Variants in UNC13A observed in about 807,000 individuals in gnomAD.
UNC13A encodes unc-13 homolog A.
Under a neutral mutation model 219.7 loss-of-function variants are expected in UNC13A, and 61 were observed. That is an observed-to-expected ratio of 0.28 (90% CI 0.23 to 0.34). UNC13A has a LOEUF of 0.34. Among genes scored for constraint, UNC13A ranks in the 10% least tolerant of loss-of-function variants. The probability of loss-of-function intolerance (pLI) is 1.00; values close to 1 mark genes in which losing one functional copy is unlikely to be tolerated. For missense variants in UNC13A, 1,476 were observed against 2,270.3 expected (o/e 0.65, Z 7.11); for synonymous variants, 920 against 884.6 (o/e 1.04, Z -0.71).
At chr19:17,635,303 A>G (rs778269647) in intron 26 of UNC13A, among the ~76,000 whole-genome samples, 3 of 152,074 alleles carry the variant, frequency 2.0e-5, no homozygotes, top group Non-Finnish European at 4.4e-5. Flanking sequence ...GCCTGACCCC[A>G]TCTGTTTATT....
chr19:17,639,635 TA>T (rs1265853821), intron 23 of UNC13A, 110 bp from the exon 24 acceptor site: 1 of 1,311,380 alleles, frequency 7.6e-7, no homozygotes, highest in African/African-American at 1.5e-5. Flanking sequence ...GGGGGTTGAT[TA>T]GAGCACCTCG....
At chr19:17,634,546 G>A (rs920103520) in intron 26 of UNC13A, among the ~76,000 whole-genome samples, 3 of 152,008 alleles carry the variant, frequency 2.0e-5, no homozygotes, top group Admixed American at 2.0e-4. Flanking sequence ...TGCCATGTTG[G>A]CCAGGCTGGT....
intron 1 of UNC13A, among the ~76,000 whole-genome samples, chr19:17,686,622 A>G (rs746032557): frequency 4.0e-5 from 6 of 151,664 alleles, no homozygotes; most frequent in Non-Finnish European, 1.5e-5. Context: ...GGGATGGAGG[A>G]GTTGACCTTT....
At chr19:17,628,299 A>C in intron 31 of UNC13A, 1 of 296,502 alleles carries the variant, frequency 3.4e-6, no homozygotes, top group South Asian at 4.4e-5. Flanking sequence ...CCAGACAGTG[A>C]CACACTGAAG....
At chr19:17,667,244 C>T (rs1372883124) in intron 6 of UNC13A, among the ~76,000 whole-genome samples, 1 of 106,714 alleles carries the variant, frequency 9.4e-6, no homozygotes, top group African/African-American at 3.8e-5. Context: ...AGCGAGACTC[C>T]GTCTCAAAAA....
intron 5 of UNC13A, among the ~76,000 whole-genome samples, chr19:17,669,254 T>C (rs542019812): frequency 2.0e-5 from 3 of 152,286 alleles, no homozygotes; most frequent in Non-Finnish European, 4.4e-5. Flanking sequence ...AGTTCACTGT[T>C]GCAGTCTCAG....
At chr19:17,641,140 A>C (rs1016672880) in intron 21 of UNC13A, among the ~76,000 whole-genome samples, 1 of 152,010 alleles carries the variant, frequency 6.6e-6, no homozygotes, top group African/African-American at 2.4e-5. Flanking sequence ...TCAGCCTCCT[A>C]AAATGCTGGG....
chr19:17,649,049 C>A lies in UNC13A; in HGVS notation c.1525-66G>T. The A allele has an allele frequency of 6.7e-7, 1 of 1,493,280 alleles. No individual in the cohort carries two copies. Among genetic ancestry groups the A allele is most frequent in the Admixed American group, 2.3e-5 (1 of 44,140 alleles). 92.5% of individuals were successfully genotyped at this position (1,493,280 alleles called of 1,614,324 possible). On this transcript the variant is annotated intron_variant, in intron 14 of 43. Coordinates refer to ENST00000519716, the MANE Select transcript of UNC13A (RefSeq NM_001080421.3). This position sits in a 1 kb window ranked among gnomAD's most constrained non-coding sequence, Gnocchi z 4.4. ...CCATGAGATCACCACCAGGAGAGTT[C>A]ACAGCCACGGATGGGGCCAGCAGCC...
chr19:17,675,885 C>T (rs114376305), intron 2 of UNC13A, 127 bp downstream of exon 2: 1 of 1,246,816 alleles, frequency 8.0e-7, no homozygotes, highest in East Asian at 2.5e-5. Context: ...TCTTCTGACC[C>T]CTCTCCTGAT....
chr19:17,653,522 T>C (rs1360174214), intron 11 of UNC13A, among the ~76,000 whole-genome samples: 1 of 151,874 alleles, frequency 6.6e-6, no homozygotes, highest in Non-Finnish European at 1.5e-5. Context: ...TAATTTTTTG[T>C]ATTTTTAGTA....
chr19:17,663,458 G>A (rs2079588069), intron 8 of UNC13A, 74 bp downstream of exon 8: 2 of 1,539,848 alleles, frequency 1.3e-6, no homozygotes, highest in Non-Finnish European at 1.8e-6. Context: ...TGGTAGTGGG[G>A]AGGGGCCTTG....
rs370015854 is a variant in UNC13A at position 17,633,074 on chromosome 19, G to A, written c.3301+34C>T. ...CACAGAGGTACAGCCACCTGGTGTG[G>A]CCAGGCTGGGGAACACTGGGGTGGG... On this transcript the variant is annotated intron_variant, in intron 27 of 43. Transcript: ENST00000519716. The A allele has an allele frequency of 7.5e-5, 121 of 1,611,976 alleles. No homozygotes were observed. In the Middle Eastern group the frequency reaches 8.3e-4, roughly 11 times the overall value.
rs552834010 is a variant in UNC13A at position 17,656,032 on chromosome 19, C to A, written c.1134G>T (p.Pro378=). The A allele has an allele frequency of 1.3e-6, 2 of 1,566,402 alleles. No individual in the cohort carries two copies. Among genetic ancestry groups the A allele is most frequent in the East Asian group, 2.4e-5 (1 of 42,478 alleles). The change falls in exon 10 of 44, where the codon CCG becomes CCT. Residue 378 remains proline, a synonymous_variant. Coordinates refer to ENST00000519716, the MANE Select transcript of UNC13A (RefSeq NM_001080421.3). ...TGTCCTCCTTCCCTGGGGCAGCTGG[C>A]GGGAGGCTGATGCGTTTGAAGTCTT... The part of the protein sequence containing the change: ...EPKDFKRISL[P]PAAPGKEDKA...
chr19:17,666,820 C>A, intron 6 of UNC13A, 116 bp from the exon 7 acceptor site: 2 of 614,584 alleles, frequency 3.3e-6, no homozygotes, highest in Middle Eastern at 4.9e-4. Context: ...AAATTCTCTC[C>A]CTCTCTATGA....
intron 41 of UNC13A, chr19:17,614,232 C>T (rs2076637003): frequency 6.6e-6 from 1 of 151,950 alleles, no homozygotes; most frequent in South Asian, 2.1e-4. Flanking sequence ...GTCTCAAACT[C>T]CTGACTTCAA....
At chr19:17,623,358 C>G in intron 36 of UNC13A, 184 bp downstream of exon 36, 1 of 525,616 alleles carries the variant, frequency 1.9e-6, no homozygotes, top group Non-Finnish European at 3.3e-6. Context: ...GTCTCCCTCC[C>G]TCCCAGCCCC....
chr19:17,619,226 G>A (rs1007747752), intron 38 of UNC13A, among the ~76,000 whole-genome samples: 2 of 152,146 alleles, frequency 1.3e-5, no homozygotes, highest in African/African-American at 2.4e-5. Flanking sequence ...GGACCAGACT[G>A]TGAGGGGCAG....
intron 8 of UNC13A, among the ~76,000 whole-genome samples, chr19:17,660,897 C>A (rs961010085): frequency 6.6e-6 from 1 of 151,858 alleles, no homozygotes; most frequent in Non-Finnish European, 1.5e-5. Context: ...GCCCTGTCTG[C>A]CAAGCATTCA....
intron 1 of UNC13A, among the ~76,000 whole-genome samples, chr19:17,683,463 T>C (rs551949932): frequency 6.6e-6 from 1 of 152,020 alleles, no homozygotes; most frequent in Admixed American, 6.6e-5. Context: ...TGTATTTGTA[T>C]TTTTAGTAGA....
Sources: gnomAD v4.1 joint callset for allele counts (sites outside exome capture counted in the v4.1 genomes callset) on GRCh38, gnomAD v4.1.1 for gene constraint, Gnocchi (gnomAD v3.1) non-coding constraint, MANE v1.5 for transcripts, NCBI Gene and HGNC (gene_info 2026-07-23, HGNC 2026-07-21) for gene names.